The following CAMK1D variants were observed in gnomAD, a reference collection of about 807,000 sequenced individuals.
CAMK1D encodes calcium/calmodulin dependent protein kinase ID.
In CAMK1D, 9 loss-of-function variants were observed where a neutral mutation model predicts 47.7. The observed-to-expected ratio is 0.19, with a 90% confidence interval of 0.11 to 0.33. CAMK1D has a LOEUF of 0.33. Ranked by LOEUF, CAMK1D falls within the 10% of genes least tolerant of loss-of-function variation. The pLI is 1.00. For synonymous variants in CAMK1D, 184 were observed against 184.9 expected, an observed-to-expected ratio of 0.99 and a Z score of 0.04; for missense variants, 291 against 488.7, an observed-to-expected ratio of 0.60 and a Z score of 3.81.
intron 2 of CAMK1D, among the ~76,000 whole-genome samples, chr10:12,596,314 A>G (rs2132375843): frequency 6.6e-6 from 1 of 152,286 alleles, no homozygotes; most frequent in African/African-American, 2.4e-5. Flanking sequence ...GGGCTTCTAT[A>G]GGCTGAACTT....
intron 1 of CAMK1D, among the ~76,000 whole-genome samples, chr10:12,506,443 A>C (rs1035341936): frequency 3.3e-5 from 5 of 152,068 alleles, no homozygotes; most frequent in African/African-American, 1.2e-4. Flanking sequence ...AATGAATTAG[A>C]CCATTGTAGG....
In CAMK1D at chr10:12,529,593, C is replaced by T. The variant is rs375450952; in HGVS notation, c.93-23632C>T. 6.6e-5 allele frequency among the ~76,000 whole-genome samples: 10 copies of T among 152,136 alleles called. No individual in the cohort carries two copies. In the East Asian group the frequency reaches 1.7e-3, roughly 26 times the overall value. ...TTTAGATGACATATGTGCTGGTGCT[C>T]ATGAGCGTTTAGTAGTGGGTCTGTG... On this transcript the variant is annotated intron_variant, in intron 1 of 10. Transcript: ENST00000619168.
At chr10:12,535,252 C>T (rs746000210) in intron 1 of CAMK1D, among the ~76,000 whole-genome samples, 2 of 152,226 alleles carry the variant, frequency 1.3e-5, no homozygotes, top group Non-Finnish European at 2.9e-5. Context: ...TCTCCCAGCT[C>T]TGTCTGCTAA....
chr10:12,773,318 C>G (rs1837127589), intron 5 of CAMK1D, among the ~76,000 whole-genome samples: 1 of 152,126 alleles, frequency 6.6e-6, no homozygotes, highest in Non-Finnish European at 1.5e-5. Context: ...GGCTGGGTTC[C>G]AAGATACTTC....
At chr10:12,478,463 T>C (rs1833968288) in intron 1 of CAMK1D, among the ~76,000 whole-genome samples, 2 of 151,656 alleles carry the variant, frequency 1.3e-5, no homozygotes, top group African/African-American at 4.8e-5. Context: ...CACCATCCTG[T>C]CTAATTTTTT....
intron 3 of CAMK1D, among the ~76,000 whole-genome samples, chr10:12,686,090 G>A (rs1282375850): frequency 6.6e-6 from 1 of 152,188 alleles, no homozygotes; most frequent in Admixed American, 6.5e-5. Flanking sequence ...TGGAACAGCA[G>A]TAGTTGCAGG....
At chr10:12,526,897 CAA>C (rs202209844) in intron 1 of CAMK1D, among the ~76,000 whole-genome samples, 1 of 129,810 alleles carries the variant, frequency 7.7e-6, no homozygotes, top group Non-Finnish European at 1.6e-5. Flanking sequence ...AACCCTATCT[CAA>C]AAAAAAAAAA....
At chr10:12,584,074 C>A (rs1332915710) in intron 2 of CAMK1D, among the ~76,000 whole-genome samples, 1 of 152,112 alleles carries the variant, frequency 6.6e-6, no homozygotes, top group Non-Finnish European at 1.5e-5. Context: ...TCTTTGCATG[C>A]TTAGAGAGCA....
At chr10:12,765,480 C>T (rs147808566) in intron 4 of CAMK1D, among the ~76,000 whole-genome samples, 2 of 152,278 alleles carry the variant, frequency 1.3e-5, no homozygotes, top group African/African-American at 4.8e-5. Context: ...TTGACAAAGG[C>T]CCCTTTGAGT....
At chr10:12,582,759 G>C (rs945765867) in intron 2 of CAMK1D, among the ~76,000 whole-genome samples, 4 of 152,104 alleles carry the variant, frequency 2.6e-5, no homozygotes, top group African/African-American at 9.7e-5. Flanking sequence ...TATCAGAAGT[G>C]TGCTTTTTAA....
chr10:12,533,341 AT>A (rs1319431415), intron 1 of CAMK1D, among the ~76,000 whole-genome samples: 3 of 152,182 alleles, frequency 2.0e-5, no homozygotes, highest in Non-Finnish European at 4.4e-5. Context: ...CTGTGAGATT[AT>A]TTGAATGGAA....
intron 4 of CAMK1D, among the ~76,000 whole-genome samples, chr10:12,761,903 A>G (rs1161867486): frequency 1.3e-5 from 2 of 152,174 alleles, no homozygotes; most frequent in Non-Finnish European, 2.9e-5. Flanking sequence ...TAAATAAATA[A>G]AAATAGTGTC....
chr10:12,429,360 GAC>G (rs55928184), intron 1 of CAMK1D, among the ~76,000 whole-genome samples: 28,464 of 151,784 alleles, frequency 0.19, 3,007 homozygotes, highest in Admixed American at 0.31. Context: ...TTCTTCCTGA[GAC>G]AGAGTCTCGC....
At chr10:12,487,719 G>A (rs867988954) in intron 1 of CAMK1D, among the ~76,000 whole-genome samples, 2 of 152,222 alleles carry the variant, frequency 1.3e-5, no homozygotes, top group Admixed American at 6.5e-5. Flanking sequence ...GATGCAGTCT[G>A]TTCTGAGGAG....
intron 1 of CAMK1D, among the ~76,000 whole-genome samples, chr10:12,430,834 T>C (rs571952924): frequency 5.5e-4 from 83 of 152,224 alleles, no homozygotes; most frequent in African/African-American, 1.9e-3. Flanking sequence ...CACTGCAACC[T>C]CTGCCTCCTG....
chr10:12,479,871 G>T (rs927730673), intron 1 of CAMK1D, among the ~76,000 whole-genome samples: 2 of 152,138 alleles, frequency 1.3e-5, no homozygotes, highest in Non-Finnish European at 2.9e-5. Flanking sequence ...CCACTATAAC[G>T]CAGTCTGCTG....
At position 12,694,257 on chromosome 10, in the gene CAMK1D, TAATATATAATATATATTATAC is replaced by T. The variant is rs1198422218; in HGVS notation, c.299+27449_299+27469del. Among the ~76,000 whole-genome samples the T allele has an allele frequency of 1.0e-3, 78 of 75,822 alleles. 15 individuals are homozygous for T. The highest frequency in any genetic ancestry group is 2.2e-3 in the African/African-American group (40 of 18,546). The allele number at this position is 75,822 out of a possible 152,430, so 49.7% of individuals were successfully genotyped here. ...TATAATATATAATATATATTATGTA[TAATATATAATATATATTATAC>T]ATAATATAAAATATATATTATATAT... On this transcript the variant is annotated intron_variant, in intron 3 of 10. Coordinates refer to ENST00000619168, the MANE Select transcript of CAMK1D (RefSeq NM_153498.4).
intron 6 of CAMK1D, among the ~76,000 whole-genome samples, chr10:12,793,282 A>G (rs374010758): frequency 2.0e-4 from 30 of 152,244 alleles, no homozygotes; most frequent in African/African-American, 7.0e-4. Context: ...CTTTATGTCT[A>G]TCTGGACCTT....
intron 3 of CAMK1D, among the ~76,000 whole-genome samples, chr10:12,751,470 C>A (rs1483874071): frequency 1.3e-5 from 2 of 152,160 alleles, no homozygotes; most frequent in Non-Finnish European, 2.9e-5. Context: ...TGTGTAAGTA[C>A]CATGCAAGGC....
Sources: allele counts gnomAD v4.1 joint callset (sites outside exome capture counted in the v4.1 genomes callset), GRCh38; gene constraint gnomAD v4.1.1; transcripts MANE v1.5; gene names NCBI Gene and HGNC (gene_info 2026-07-23, HGNC 2026-07-21).